The following CCDC92B variants were observed in gnomAD, a reference collection of about 807,000 sequenced individuals.
CCDC92B encodes coiled-coil domain-containing 92B.
A neutral mutation model predicts 5.6 loss-of-function variants in CCDC92B; 2 were observed. The ratio of observed to expected loss-of-function variants is 0.36; its 90% CI spans 0.15 to 1.12. The LOEUF is 1.12. Among genes scored for constraint, CCDC92B ranks in the 50% most tolerant of loss-of-function variants. The pLI is 0.40. For missense variants in CCDC92B, 271 were observed against 262.2 expected, an observed-to-expected ratio of 1.03 and a Z score of -0.23; for synonymous variants, 115 against 122.3, an observed-to-expected ratio of 0.94 and a Z score of 0.39.
chr17:2,734,702 A>C (rs1306147036), intron 2 of CCDC92B, among the ~76,000 whole-genome samples: 1 of 151,694 alleles, frequency 6.6e-6, no homozygotes, highest in Admixed American at 6.6e-5. Flanking sequence ...GTTGTCCAGG[A>C]TGGTCTTGAT....
intron 1 of CCDC92B, among the ~76,000 whole-genome samples, chr17:2,743,521 A>G (rs566579112): frequency 6.6e-6 from 1 of 152,316 alleles, no homozygotes; most frequent in South Asian, 2.1e-4. Flanking sequence ...CATTTAAAAC[A>G]AACCCAAAGT....
At chr17:2,737,030 T>C (rs2070866161) in intron 1 of CCDC92B, among the ~76,000 whole-genome samples, 1 of 151,006 alleles carries the variant, frequency 6.6e-6, no homozygotes, top group African/African-American at 2.5e-5. Flanking sequence ...ATGAGAGCCA[T>C]GCATCCCTGA....
At chr17:2,735,291 G>T in intron 1 of CCDC92B, 123 bp from the exon 2 acceptor site, 3 of 520,782 alleles carry the variant, frequency 5.8e-6, no homozygotes, top group South Asian at 1.7e-4. Flanking sequence ...TTCTGCCACT[G>T]CTGTCACCTC....
intron 1 of CCDC92B, among the ~76,000 whole-genome samples, chr17:2,741,841 C>T (rs1435490694): frequency 6.6e-6 from 1 of 151,256 alleles, no homozygotes; most frequent in African/African-American, 2.4e-5. Context: ...ATCCGCCTGC[C>T]TCAGCCTCCC....
Position 2,723,998 on chromosome 17 carries a change from G to T in CCDC92B, c.*413C>A. On this transcript the variant is annotated 3_prime_UTR_variant, in exon 4 of 4. Transcript: ENST00000614400. ...GGGAGGCGGGGGGTGGGGAGCTAGA[G>T]GGCCTGGGGCGCCAATGCCACTCTG... 1 of 979,626 alleles carries T rather than the reference G, an allele frequency of 1.0e-6. No individual in the cohort carries two copies. The highest frequency in any genetic ancestry group is 1.2e-6 in the Non-Finnish European group (1 of 825,048). 60.7% of individuals were successfully genotyped at this position (979,626 alleles called of 1,614,324 possible). A position where few individuals can be genotyped will look rare whatever the true frequency, so the allele number is the denominator to read the frequency against.
chr17:2,735,265 G>A, intron 1 of CCDC92B, 97 bp from the exon 2 acceptor site: 3 of 837,588 alleles, frequency 3.6e-6, no homozygotes, highest in Non-Finnish European at 4.3e-6. Flanking sequence ...AGGTCCTGTT[G>A]CCACCAGGAA....
At chr17:2,729,707 A>C (rs1430263758) in intron 3 of CCDC92B, among the ~76,000 whole-genome samples, 2 of 152,172 alleles carry the variant, frequency 1.3e-5, no homozygotes, top group African/African-American at 4.8e-5. Flanking sequence ...ATTACTGTTA[A>C]GTATATTCAT....
intron 1 of CCDC92B, among the ~76,000 whole-genome samples, chr17:2,738,498 C>T (rs955233931): frequency 3.9e-5 from 6 of 151,974 alleles, no homozygotes; most frequent in Non-Finnish European, 7.4e-5. Context: ...CTGGGCTGGG[C>T]GCAGTGGCTC....
chr17:2,724,498 C>T lies in CCDC92B; in HGVS notation c.681G>A (p.Pro227=). Residue 227 remains proline (P), a synonymous_variant, in exon 4 of 4, where the codon CCG becomes CCA. Transcript: ENST00000614400. This position sits in a 1 kb window ranked among gnomAD's most constrained non-coding sequence, Gnocchi z 5.0. ...GGGGCTCCTGGGGAGGCGGCTGGCG[C>T]GGGCTGCGGGCGCTGGGCCGCAGCG... ...RRPLRPSARS[P]RQPPPQEPPD... 3.1e-6 allele frequency: 3 copies of T among 980,950 alleles called. No individual in the cohort carries two copies. Among genetic ancestry groups the T allele is most frequent in the Non-Finnish European group, 3.6e-6 (3 of 827,116 alleles). 60.8% of individuals were successfully genotyped at this position (980,950 alleles called of 1,614,324 possible).
intron 2 of CCDC92B, among the ~76,000 whole-genome samples, chr17:2,732,536 G>A (rs913704665): frequency 6.6e-6 from 1 of 152,114 alleles, no homozygotes; most frequent in Non-Finnish European, 1.5e-5. Flanking sequence ...GGCCAACGTG[G>A]TGAAACCCCA....
intron 3 of CCDC92B, among the ~76,000 whole-genome samples, chr17:2,729,805 T>C (rs962021466): frequency 1.3e-5 from 2 of 152,192 alleles, no homozygotes; most frequent in Admixed American, 6.6e-5. Context: ...CCCCATGTTA[T>C]GGGTGAAGTA....
intron 2 of CCDC92B, among the ~76,000 whole-genome samples, chr17:2,731,687 C>T (rs2070796584): frequency 6.6e-6 from 1 of 152,188 alleles, no homozygotes; most frequent in African/African-American, 2.4e-5. Flanking sequence ...CCTGAGCCTT[C>T]TGCTGTTACC....
intron 1 of CCDC92B, among the ~76,000 whole-genome samples, chr17:2,745,418 G>A (rs2070973957): frequency 6.6e-6 from 1 of 152,204 alleles, no homozygotes. Flanking sequence ...TGGCCACCGT[G>A]AGAGACTGAG....
At chr17:2,737,781 A>T (rs2070873670) in intron 1 of CCDC92B, among the ~76,000 whole-genome samples, 1 of 151,668 alleles carries the variant, frequency 6.6e-6, no homozygotes, top group South Asian at 2.1e-4. Flanking sequence ...CAGCCATCCA[A>T]ATAGGCCTTT....
At chr17:2,747,358 G>C (rs2070998789) in intron 1 of CCDC92B, among the ~76,000 whole-genome samples, 1 of 152,174 alleles carries the variant, frequency 6.6e-6, no homozygotes, top group South Asian at 2.1e-4. Flanking sequence ...TAAGGAGAAT[G>C]TTAGACTTAT....
At chr17:2,729,064 G>A (rs1235247667) in intron 3 of CCDC92B, among the ~76,000 whole-genome samples, 1 of 152,098 alleles carries the variant, frequency 6.6e-6, no homozygotes, top group East Asian at 1.9e-4. Context: ...TAGGGACAGA[G>A]TCTTACTATT....
At chr17:2,733,965 G>A (rs1393581427) in intron 2 of CCDC92B, among the ~76,000 whole-genome samples, 4 of 151,428 alleles carry the variant, frequency 2.6e-5, no homozygotes, top group Non-Finnish European at 5.9e-5. Context: ...TCGCCACGTT[G>A]GCCAGGCTGG....
chr17:2,748,505 TTTGTGTG>T (rs1165526603), intron 1 of CCDC92B: 4 of 923,188 alleles, frequency 4.3e-6, no homozygotes, highest in Non-Finnish European at 3.8e-6. Flanking sequence ...CTTCATCGTG[TTTGTGTG>T]TGTGTGTGTG....
chr17:2,734,494 CT>C (rs10708468), intron 2 of CCDC92B, among the ~76,000 whole-genome samples: 91,654 of 144,264 alleles, frequency 0.64, 29,604 homozygotes, highest in African/African-American at 0.78. Flanking sequence ...CTAACCAGAG[CT>C]TTTTTTTTTT....
Sources: allele counts gnomAD v4.1 joint callset (sites outside exome capture counted in the v4.1 genomes callset), GRCh38; gene constraint gnomAD v4.1.1; non-coding constraint Gnocchi (gnomAD v3.1); transcripts MANE v1.5; gene names NCBI Gene and HGNC (gene_info 2026-07-23, HGNC 2026-07-21).